The following ATAD2B variants were observed in gnomAD, a reference collection of about 807,000 sequenced individuals.
ATAD2B encodes ATPase family AAA domain containing 2B, also known as ATPase family AAA domain-containing protein 2B.
ATAD2B carries 40 observed loss-of-function variants against 167.6 expected under a neutral mutation model. The ratio of observed to expected loss-of-function variants is 0.24; its 90% CI spans 0.19 to 0.31. The LOEUF (loss-of-function observed/expected upper bound fraction) is 0.31, where lower values mean the gene tolerates loss of function less well. Among genes scored for constraint, ATAD2B ranks in the 10% least tolerant of loss-of-function variants. The pLI, the probability that ATAD2B is intolerant of heterozygous loss-of-function variation, is 1.00. For synonymous variants in ATAD2B, 579 were observed against 596.5 expected (o/e 0.97, Z 0.43); for missense variants, 1,242 against 1,757.2 (o/e 0.71, Z 5.24).
At chr2:23,920,538 C>T (rs555741132) in intron 1 of ATAD2B, among the ~76,000 whole-genome samples, 2 of 152,226 alleles carry the variant, frequency 1.3e-5, no homozygotes, top group Admixed American at 1.3e-4. Flanking sequence ...GCATTTTCAG[C>T]ACTGTGTCAG....
At chr2:23,735,136 A>G in the ATAD2B span, among the ~76,000 whole-genome samples, 1 of 152,202 alleles carries the variant, frequency 6.6e-6, no homozygotes, top group East Asian at 1.9e-4. Context: ...GTCCTCCATA[A>G]TAAGACCCCA....
At chr2:23,690,735 A>G in the ATAD2B span, 1 of 152,256 alleles carries the variant, frequency 6.6e-6, no homozygotes, top group Admixed American at 6.5e-5. Flanking sequence ...CTTATGTATC[A>G]GTGTCACTCT....
chr2:23,829,647 C>T (rs1688752231), intron 14 of ATAD2B, among the ~76,000 whole-genome samples: 1 of 152,058 alleles, frequency 6.6e-6, no homozygotes, highest in Non-Finnish European at 1.5e-5. Flanking sequence ...CCCAGGTACT[C>T]AGGAAGCTGA....
chr2:23,921,932 T>G (rs543763262), intron 1 of ATAD2B, among the ~76,000 whole-genome samples: 2 of 152,304 alleles, frequency 1.3e-5, no homozygotes, highest in South Asian at 4.1e-4. Flanking sequence ...TTTACCTCTT[T>G]AACCCTCAAT....
intron 9 of ATAD2B, 101 bp downstream of exon 9, chr2:23,869,561 TA>T: frequency 2.5e-6 from 2 of 806,328 alleles, no homozygotes; most frequent in Non-Finnish European, 4.1e-6. Flanking sequence ...TAATCTAGTC[TA>T]AAATATGTGT....
At chr2:23,728,911 T>C in the ATAD2B span, among the ~76,000 whole-genome samples, 30 of 152,322 alleles carry the variant, frequency 2.0e-4, no homozygotes, top group South Asian at 8.3e-4. Context: ...AGAGGTTTAA[T>C]TGGCTCATGG....
intron 9 of ATAD2B, among the ~76,000 whole-genome samples, chr2:23,868,383 C>T (rs971509445): frequency 8.5e-5 from 13 of 152,212 alleles, no homozygotes. Flanking sequence ...TCACTACAGC[C>T]TCAACCTCCT....
chr2:23,703,736 G>C, the ATAD2B span: 1 of 1,536,836 alleles, frequency 6.5e-7, no homozygotes, highest in Non-Finnish European at 8.7e-7. Flanking sequence ...GTATGCCCCC[G>C]CTGTCACGCT....
At chr2:23,703,056 T>C in the ATAD2B span, 11 of 584,112 alleles carry the variant, frequency 1.9e-5, no homozygotes, top group Admixed American at 2.1e-4. Flanking sequence ...CCCCCACTGC[T>C]GGTGTGATCT....
intron 10 of ATAD2B, among the ~76,000 whole-genome samples, chr2:23,866,943 G>A (rs1399835490): frequency 1.3e-5 from 2 of 152,136 alleles, no homozygotes; most frequent in Non-Finnish European, 1.5e-5. Flanking sequence ...AATCTACCAT[G>A]TCCTCCGAGT....
Position 23,867,952 on chromosome 2 carries a change from AT to A in ATAD2B, c.1077-7del. 6.3e-7 allele frequency: 1 copy of A among 1,589,302 alleles called. No individual in the cohort carries two copies. Among genetic ancestry groups the A allele is most frequent in the Non-Finnish European group, 8.6e-7 (1 of 1,166,970 alleles). ...TGAAGTTCATAGGCAAACATCTGAA[AT>A]TTATAAAAGTGCAAGTAAAGTTGCA... On this transcript the variant is annotated splice_polypyrimidine_tract_variant and splice_region_variant and intron_variant, in intron 9 of 27. Coordinates refer to ENST00000238789, the MANE Select transcript of ATAD2B (RefSeq NM_017552.4).
chr2:23,893,667 CT>C (rs745557044), intron 2 of ATAD2B, among the ~76,000 whole-genome samples: 12,854 of 119,308 alleles, frequency 0.11, 651 homozygotes, highest in Middle Eastern at 0.17. Flanking sequence ...AAAAAAAAAA[CT>C]TTTTTTTTTT....
At chr2:23,706,517 A>G in the ATAD2B span, 1 of 1,535,010 alleles carries the variant, frequency 6.5e-7, no homozygotes, top group Non-Finnish European at 8.7e-7. Flanking sequence ...ATGCAACTGG[A>G]GGTATTGTCA....
chr2:23,857,618 A>C (rs1328210453), intron 12 of ATAD2B, 115 bp from the exon 13 acceptor site: 4 of 449,472 alleles, frequency 8.9e-6, no homozygotes, highest in Non-Finnish European at 7.8e-6. Context: ...GGTATGAAGG[A>C]GTATATAGCA....
chr2:23,918,370 C>CA (rs1703387106), intron 1 of ATAD2B, among the ~76,000 whole-genome samples: 1 of 151,528 alleles, frequency 6.6e-6, no homozygotes, highest in Non-Finnish European at 1.5e-5. Flanking sequence ...GATCCTGTCT[C>CA]AAAAAATACA....
rs1220645773 is a variant in ATAD2B, at chr2:23,857,423, C to A, written c.1560G>T (p.Gln520His). The A allele has an allele frequency of 2.0e-6, 3 of 1,497,540 alleles. No homozygotes were observed. In the South Asian group the frequency reaches 4.2e-5, roughly 21 times the overall value. The allele number at this position is 1,497,540 out of a possible 1,614,324, so 92.8% of individuals were successfully genotyped here. ...AGATAAAGAAAAATTACCTGTGGAT[C>A]TGATCTTGTCTGCTAGAGCGAACTG... ...LAPVRSSRQD[Q>H]IHSSIVSTLL... Residue 520 changes from glutamine to histidine, a missense_variant, in exon 13 of 28, where the codon CAG becomes CAT. Gln to His is a conservative substitution (Grantham distance 24). Transcript: ENST00000238789.
At chr2:23,731,576 C>A in the ATAD2B span, among the ~76,000 whole-genome samples, 104 of 152,192 alleles carry the variant, frequency 6.8e-4, 1 homozygote, top group African/African-American at 2.4e-3. Flanking sequence ...ACAATGCCAG[C>A]CACACATATA....
intron 18 of ATAD2B, among the ~76,000 whole-genome samples, chr2:23,808,408 G>C (rs547597472): frequency 2.6e-5 from 4 of 151,476 alleles, no homozygotes; most frequent in Non-Finnish European, 5.9e-5. Flanking sequence ...AATAAGGTAT[G>C]TCTTTCATAT....
At chr2:23,812,410 A>C (rs1685740696) in intron 17 of ATAD2B, among the ~76,000 whole-genome samples, 2 of 152,286 alleles carry the variant, frequency 1.3e-5, no homozygotes, top group South Asian at 2.1e-4. Flanking sequence ...TAAATACATA[A>C]AGACGTCAAT....
Sources: gnomAD v4.1 joint callset for allele counts (sites outside exome capture counted in the v4.1 genomes callset) on GRCh38, gnomAD v4.1.1 for gene constraint, MANE v1.5 for transcripts, NCBI Gene and HGNC (gene_info 2026-07-23, HGNC 2026-07-21) for gene names.